CSGALNACT1: variants seen among roughly 807,000 people sequenced by gnomAD.
CSGALNACT1 encodes chondroitin sulfate N-acetylgalactosaminyltransferase 1.
A neutral mutation model predicts 51.0 loss-of-function variants in CSGALNACT1; 52 were observed. That is an observed-to-expected ratio of 1.02 (90% confidence interval 0.82 to 1.29). CSGALNACT1 has a LOEUF of 1.29. CSGALNACT1 is among the 50% of genes most tolerant of loss of function. CSGALNACT1 has a pLI of 0.00. For synonymous variants in CSGALNACT1, 341 were observed against 254.4 expected, an observed-to-expected ratio of 1.34 and a Z score of -3.24; for missense variants, 935 against 679.2, an observed-to-expected ratio of 1.38 and a Z score of -4.19.
intron 3 of CSGALNACT1, among the ~76,000 whole-genome samples, chr8:19,580,925 G>T (rs902782564): frequency 1.3e-5 from 2 of 152,242 alleles, no homozygotes; most frequent in Non-Finnish European, 2.9e-5. Context: ...AGTGAAACAG[G>T]TGTCAGCAGA....
At chr8:19,573,577 G>A (rs535972216) in intron 3 of CSGALNACT1, among the ~76,000 whole-genome samples, 89 of 152,040 alleles carry the variant, frequency 5.9e-4, no homozygotes, top group African/African-American at 1.9e-3. Flanking sequence ...CCATGTAGCT[G>A]GTATTATAGG....
intron 4 of CSGALNACT1, among the ~76,000 whole-genome samples, chr8:19,477,911 T>C (rs375532745): frequency 1.1e-4 from 16 of 152,318 alleles, no homozygotes; most frequent in African/African-American, 3.1e-4. Flanking sequence ...TCCAAACTAC[T>C]AAGAAGCCAT....
At chr8:19,469,012 C>T (rs1057145042) in intron 4 of CSGALNACT1, among the ~76,000 whole-genome samples, 3 of 152,110 alleles carry the variant, frequency 2.0e-5, no homozygotes, top group Non-Finnish European at 2.9e-5. Flanking sequence ...CAGAAGACAG[C>T]AGCATCAAGG....
chr8:19,555,582 A>G (rs1187096780), intron 3 of CSGALNACT1, among the ~76,000 whole-genome samples: 1 of 152,178 alleles, frequency 6.6e-6, no homozygotes, highest in Non-Finnish European at 1.5e-5. Context: ...AAAAAACAAG[A>G]ACTTGACACT....
chr8:19,516,575 T>A (rs530372304), intron 3 of CSGALNACT1, among the ~76,000 whole-genome samples: 55 of 152,316 alleles, frequency 3.6e-4, no homozygotes, highest in African/African-American at 1.3e-3. Flanking sequence ...TCTCAACAGC[T>A]AGGCAAACTC....
At chr8:19,585,016 T>A (rs1159252134) in intron 3 of CSGALNACT1, 1 of 152,204 alleles carries the variant, frequency 6.6e-6, no homozygotes, top group African/African-American at 2.4e-5. Context: ...CCTGGACAAG[T>A]TATCTTATCT....
intron 1 of CSGALNACT1, among the ~76,000 whole-genome samples, chr8:19,743,340 C>A (rs1164058732): frequency 6.6e-6 from 1 of 152,136 alleles, no homozygotes; most frequent in African/African-American, 2.4e-5. Flanking sequence ...GCCCAGATTA[C>A]ATGTGTATGT....
chr8:19,644,685 G>C (rs967444970), intron 1 of CSGALNACT1, among the ~76,000 whole-genome samples: 3 of 143,862 alleles, frequency 2.1e-5, no homozygotes, highest in Admixed American at 1.4e-4. Context: ...ACTCCAGCCT[G>C]GGTAACAGAG....
Position 19,670,087 on chromosome 8 carries a change from C to T in CSGALNACT1, c.-544+12386G>A, listed in dbSNP as rs2059674937. Among the ~76,000 whole-genome samples the T allele has an allele frequency of 2.6e-5, 4 of 152,332 alleles. No homozygotes were observed. The South Asian group carries it at 8.3e-4, about 32-fold the overall frequency. The stretch of plus-strand genomic sequence containing the variant: ...GTAGTTCATTGCCATGTCCCCTACT[C>T]CCTGCACATTTGCCTGTCCCCAGAT... On this transcript the variant is annotated intron_variant, in intron 1 of 9. Coordinates refer to the CSGALNACT1 transcript ENST00000332246.
intron 1 of CSGALNACT1, among the ~76,000 whole-genome samples, chr8:19,621,033 T>G (rs78202348): frequency 0.024 from 3,656 of 152,294 alleles, 165 homozygotes; most frequent in African/African-American, 0.083. Context: ...CTTGGTCATT[T>G]TTACGAAAAT....
chr8:19,743,952 C>T (rs2064478459), intron 1 of CSGALNACT1, among the ~76,000 whole-genome samples: 1 of 151,910 alleles, frequency 6.6e-6, no homozygotes, highest in South Asian at 2.1e-4. Context: ...TACACTGGCA[C>T]TCTAATAAGA....
intron 3 of CSGALNACT1, among the ~76,000 whole-genome samples, chr8:19,533,920 C>A (rs1304000328): frequency 3.3e-5 from 5 of 152,100 alleles, no homozygotes; most frequent in African/African-American, 9.7e-5. Flanking sequence ...AAAAGAGAAT[C>A]TTTACTATTA....
intron 1 of CSGALNACT1, among the ~76,000 whole-genome samples, chr8:19,738,724 C>T (rs1175279762): frequency 6.6e-6 from 1 of 151,994 alleles, no homozygotes; most frequent in Non-Finnish European, 1.5e-5. Flanking sequence ...AAGGGCTGGC[C>T]AAGCATCACT....
intron 3 of CSGALNACT1, among the ~76,000 whole-genome samples, chr8:19,544,370 T>A (rs2085985922): frequency 1.3e-5 from 2 of 152,224 alleles, no homozygotes; most frequent in African/African-American, 2.4e-5. Flanking sequence ...TGGGAACAAA[T>A]CAATGAATAA....
In CSGALNACT1 at chr8:19,736,996, C is replaced by A. The variant is rs905099373; in HGVS notation, c.-297+20854G>T. Among the ~76,000 whole-genome samples the A allele has an allele frequency of 2.2e-4, 34 of 151,942 alleles. 1 individual carries two copies. Among genetic ancestry groups the A allele is most frequent in the South Asian group, 2.1e-4 (1 of 4,804 alleles). On this transcript the variant is annotated intron_variant, in intron 1 of 1. Coordinates refer to the CSGALNACT1 transcript ENST00000517494. ...AAGGAGAGAGTAGAGATAGGAAAAACAAAGATATTTAAAGCAGCCAGATAA... is the reference window on the plus strand; with the variant it reads ...AAGGAGAGAGTAGAGATAGGAAAAAAAAAGATATTTAAAGCAGCCAGATAA...
intron 1 of CSGALNACT1, among the ~76,000 whole-genome samples, chr8:19,752,110 T>G (rs563115138): frequency 7.1e-6 from 1 of 140,178 alleles, no homozygotes; most frequent in South Asian, 2.2e-4. Context: ...ATTATTATAT[T>G]ATATATAATA....
chr8:19,590,640 C>CTTTTTTTTTTTTTTT lies in CSGALNACT1; in HGVS notation c.-297+505_-297+519dup, dbSNP rs34859554. Among the ~76,000 whole-genome samples the CTTTTTTTTTTTTTTT allele has an allele frequency of 1.9e-4, 13 of 68,982 alleles. 1 individual carries two copies. Among genetic ancestry groups the CTTTTTTTTTTTTTTT allele is most frequent in the African/African-American group, 6.6e-4 (12 of 18,186 alleles). 45.3% of individuals were successfully genotyped at this position (68,982 alleles called of 152,430 possible). A position where few individuals can be genotyped will look rare whatever the true frequency, so the allele number is the denominator to read the frequency against. On this transcript the variant is annotated intron_variant, in intron 3 of 9. Coordinates refer to ENST00000454498, the Ensembl canonical transcript of CSGALNACT1. ...TACTCATAGCTGGTGGACCTAACTA[C>CTTTTTTTTTTTTTTT]TTTTTTTTTTTTTTTTTTTTTTTTT... is the stretch of plus-strand genomic sequence containing the variant.
At chr8:19,715,737 C>T (rs1162390465) in intron 1 of CSGALNACT1, among the ~76,000 whole-genome samples, 2 of 152,080 alleles carry the variant, frequency 1.3e-5, no homozygotes, top group Non-Finnish European at 2.9e-5. Flanking sequence ...TTTCCTTCTG[C>T]TAGTTCTGCT....
chr8:19,741,067 T>C (rs2064282634), intron 1 of CSGALNACT1, among the ~76,000 whole-genome samples: 1 of 152,220 alleles, frequency 6.6e-6, no homozygotes. Flanking sequence ...CTTTTGTGCG[T>C]AGGTTGAAGG....
Sources: allele counts gnomAD v4.1 joint callset (sites outside exome capture counted in the v4.1 genomes callset), GRCh38; gene constraint gnomAD v4.1.1; transcripts MANE v1.5; gene names NCBI Gene and HGNC (gene_info 2026-07-23, HGNC 2026-07-21).